The following POLR3B variants were observed in gnomAD, a reference collection of about 807,000 sequenced individuals.
POLR3B encodes the protein DNA-directed RNA polymerase III subunit RPC2.
In POLR3B, 96 loss-of-function variants were observed where a neutral mutation model predicts 147.4. The observed-to-expected ratio is 0.65, with a 90% CI of 0.55 to 0.77. POLR3B has a LOEUF of 0.77. POLR3B is among the 30% of genes least tolerant of loss of function. The pLI, the probability that POLR3B is intolerant of heterozygous loss-of-function variation, is 0.00. For synonymous variants in POLR3B, 461 were observed against 485.9 expected, an observed-to-expected ratio of 0.95 and a Z score of 0.67; for missense variants, 1,036 against 1,413.5, an observed-to-expected ratio of 0.73 and a Z score of 4.28.
intron 9 of POLR3B, 110 bp from the exon 10 acceptor site, chr12:106,392,921 C>G: frequency 7.3e-7 from 1 of 1,370,096 alleles, no homozygotes; most frequent in Non-Finnish European, 1.0e-6. Flanking sequence ...GAGAGAAGAG[C>G]TAGCTTTTGC....
intron 27 of POLR3B, among the ~76,000 whole-genome samples, chr12:106,506,704 A>G (rs2038693725): frequency 6.6e-6 from 1 of 152,186 alleles, no homozygotes; most frequent in Non-Finnish European, 1.5e-5. Context: ...GAGGGTCTTT[A>G]CTGTAATTAA....
At chr12:106,495,176 C>T (rs2038461009) in intron 23 of POLR3B, among the ~76,000 whole-genome samples, 1 of 152,110 alleles carries the variant, frequency 6.6e-6, no homozygotes, top group African/African-American at 2.4e-5. Context: ...ATTCTATTCC[C>T]ATTCCTCTTC....
At chr12:106,378,199 C>A in intron 7 of POLR3B, 68 bp from the exon 8 acceptor site, 1 of 934,580 alleles carries the variant, frequency 1.1e-6, no homozygotes. Flanking sequence ...TCACAAGATT[C>A]CTGCCATTAC....
At chr12:106,471,087 C>T (rs116617661) in intron 23 of POLR3B, among the ~76,000 whole-genome samples, 2,460 of 152,256 alleles carry the variant, frequency 0.016, 67 homozygotes, top group African/African-American at 0.056. Flanking sequence ...TGCTGAGCTG[C>T]GGTGGGCTCT....
At chr12:106,411,019 T>C in intron 12 of POLR3B, 59 bp downstream of exon 12, 3 of 1,500,810 alleles carry the variant, frequency 2.0e-6, no homozygotes, top group Middle Eastern at 3.5e-4. Context: ...AATTTGGTTT[T>C]CATTTCACAT....
intron 15 of POLR3B, 78 bp downstream of exon 15, chr12:106,432,558 T>A: frequency 8.5e-7 from 1 of 1,183,068 alleles, no homozygotes; most frequent in Non-Finnish European, 1.3e-6. Context: ...TCCTGGTATT[T>A]AAAGCACAGA....
chr12:106,386,633 C>T (rs963650643), intron 9 of POLR3B, among the ~76,000 whole-genome samples: 5 of 152,022 alleles, frequency 3.3e-5, no homozygotes, highest in East Asian at 1.9e-4. Flanking sequence ...TTTTGCTGGG[C>T]GTGGTGGCTC....
chr12:106,444,327 C>T (rs1327892947), intron 18 of POLR3B, 136 bp from the exon 19 acceptor site: 20 of 756,446 alleles, frequency 2.6e-5, no homozygotes, highest in South Asian at 4.9e-5. Flanking sequence ...TTTTATTTTA[C>T]CAGTTTTACT....
intron 19 of POLR3B, among the ~76,000 whole-genome samples, chr12:106,449,172 T>G (rs114409374): frequency 0.026 from 4,014 of 152,288 alleles, 181 homozygotes; most frequent in African/African-American, 0.091. Flanking sequence ...CATATACACT[T>G]TATACGCATA....
rs1273292028 is a variant in POLR3B, at chr12:106,380,119, C to T, written c.703C>T (p.Pro235Ser). 1.3e-6 allele frequency: 2 copies of T among 1,587,322 alleles called. No homozygotes were observed. The highest frequency in any genetic ancestry group is 1.3e-5 in the African/African-American group (1 of 74,392). The change falls in exon 9 of 28, where the codon CCC (proline) becomes TCC (serine). Residue 235 changes from proline to serine, a missense_variant. By Grantham distance (74) the Pro-to-Ser change is moderately conservative. Coordinates refer to ENST00000228347, the MANE Select transcript of POLR3B (RefSeq NM_018082.6). ...LRHNTLSEDI[P>S]IVIIFKAMGV... is the part of the protein sequence containing the mutation. ...GCATAATACTTTGTCAGAAGATATA[C>T]CCATTGTCATCATATTTAAGGTAAA...
chr12:106,410,614 A>C, intron 11 of POLR3B: 1 of 575,086 alleles, frequency 1.7e-6, no homozygotes, highest in Non-Finnish European at 3.1e-6. Flanking sequence ...CATCTTTGAC[A>C]CAGAGGTACT....
chr12:106,411,615 GGGAGT>G (rs1179826180), intron 12 of POLR3B, among the ~76,000 whole-genome samples: 1 of 152,094 alleles, frequency 6.6e-6, no homozygotes, highest in African/African-American at 2.4e-5. Flanking sequence ...TTATATAAGA[GGGAGT>G]AAGACAGACA....
In POLR3B at chr12:106,393,493, G is replaced by T. The variant is rs989193661; in HGVS notation, c.846+340G>T. Among the ~76,000 whole-genome samples the T allele has an allele frequency of 4.7e-4, 13 of 27,554 alleles. No individual in the cohort carries two copies. In the South Asian group the frequency reaches 0.032, roughly 67 times the overall value. 18.1% of individuals were successfully genotyped at this position (27,554 alleles called of 152,430 possible). A position where few individuals can be genotyped will look rare whatever the true frequency, so the allele number is the denominator to read the frequency against. The stretch of plus-strand genomic sequence containing the variant: ...ATGGCAACTCTCGTGTACAGGTTTT[G>T]TGTGTGTGTGTGTGTGTGTGTGTGT... On this transcript the variant is annotated intron_variant, in intron 10 of 27. Coordinates refer to ENST00000228347, the MANE Select transcript of POLR3B (RefSeq NM_018082.6).
chr12:106,468,118 C>G (rs1235653222), intron 23 of POLR3B, among the ~76,000 whole-genome samples: 1 of 152,130 alleles, frequency 6.6e-6, no homozygotes, highest in African/African-American at 2.4e-5. Flanking sequence ...TAATTATTGC[C>G]TTAATTTCAA....
chr12:106,425,542 T>G (rs2037424121), intron 12 of POLR3B, among the ~76,000 whole-genome samples: 1 of 152,150 alleles, frequency 6.6e-6, no homozygotes, highest in Admixed American at 6.5e-5. Context: ...TCCCAGGGAC[T>G]TAGGTGTTGC....
chr12:106,465,970 A>G (rs1210601284), intron 23 of POLR3B, among the ~76,000 whole-genome samples: 1 of 151,078 alleles, frequency 6.6e-6, no homozygotes, highest in African/African-American at 2.4e-5. Flanking sequence ...TCCTTTGGGT[A>G]TATGGGATTG....
chr12:106,462,273 A>C (rs1259632571), intron 22 of POLR3B, among the ~76,000 whole-genome samples: 2 of 151,964 alleles, frequency 1.3e-5, no homozygotes, highest in African/African-American at 2.4e-5. Flanking sequence ...TTTGAGACGG[A>C]GTCTCGCTCT....
In POLR3B at chr12:106,427,301, T is replaced by C; in HGVS notation, c.1206T>C (p.Val402=). ...IPKQRAAQFD[V]VKHMRQDQIT... ...AGCAAAGAGCAGCCCAGTTTGATGT[T>C]GTCAAACACATGCGCCAAGACCAGA... The change falls in exon 13 of 28, where the codon GTT becomes GTC. Residue 402 remains valine, a synonymous_variant. Transcript: ENST00000228347. 1 of 1,613,380 alleles carries C rather than the reference T, an allele frequency of 6.2e-7. No homozygotes were observed. Among genetic ancestry groups the C allele is most frequent in the Non-Finnish European group, 8.5e-7 (1 of 1,179,440 alleles).
At chr12:106,437,381 A>G (rs1207269808) in intron 17 of POLR3B, among the ~76,000 whole-genome samples, 1 of 152,192 alleles carries the variant, frequency 6.6e-6, no homozygotes, top group African/African-American at 2.4e-5. Flanking sequence ...GACTTACATC[A>G]TGTGTCAGTG....
Sources: allele counts gnomAD v4.1 joint callset (sites outside exome capture counted in the v4.1 genomes callset), GRCh38; gene constraint gnomAD v4.1.1; transcripts MANE v1.5; gene names NCBI Gene and HGNC (gene_info 2026-07-23, HGNC 2026-07-21).